Variants in SOX5 observed in about 807,000 individuals in gnomAD.
SOX5 encodes SRY-box transcription factor 5.
Under a neutral mutation model 92.0 loss-of-function variants are expected in SOX5, and 9 were observed. The observed-to-expected ratio is 0.10, with a 90% CI of 0.06 to 0.17. SOX5 has a LOEUF of 0.17. SOX5 is among the 10% of genes least tolerant of loss of function. SOX5 has a pLI of 1.00. For missense variants in SOX5, 642 were observed against 944.5 expected (o/e 0.68, Z 4.20); for synonymous variants, 344 against 336.3 (o/e 1.02, Z -0.25).
chr12:23,543,705 A>T (rs1942571481), intron 12 of SOX5, among the ~76,000 whole-genome samples: 1 of 152,232 alleles, frequency 6.6e-6, no homozygotes. Flanking sequence ...GGATAGTCAG[A>T]TTAAATCAAC....
intron 2 of SOX5, among the ~76,000 whole-genome samples, chr12:24,343,398 C>T (rs2177139): frequency 0.86 from 129,764 of 151,724 alleles, 55,820 homozygotes; most frequent in East Asian, 0.97. Context: ...CTTCAGTTCA[C>T]TTCAGGTAAG....
intron 4 of SOX5, among the ~76,000 whole-genome samples, chr12:24,143,882 G>GGAAAGGAGGAGGAGAAGGAGGAGGAGGAT (rs1950824304): frequency 6.7e-6 from 1 of 150,022 alleles, no homozygotes; most frequent in Non-Finnish European, 1.5e-5. Flanking sequence ...AGGAGGAGGA[G>GGAAAGGAGGAGGAGAAGGAGGAGGAGGAT]GAAAGGAGGA....
At chr12:23,716,825 A>T (rs2092533243) in intron 6 of SOX5, among the ~76,000 whole-genome samples, 1 of 152,220 alleles carries the variant, frequency 6.6e-6, no homozygotes, top group Non-Finnish European at 1.5e-5. Flanking sequence ...AAAAAATAGT[A>T]AAGTCTGCTG....
intron 3 of SOX5, among the ~76,000 whole-genome samples, chr12:24,232,677 G>A (rs1405032703): frequency 1.3e-5 from 2 of 152,092 alleles, no homozygotes; most frequent in Non-Finnish European, 2.9e-5. Context: ...TAGATATCTT[G>A]GCAAAGGAAA....
At chr12:24,413,570 T>C (rs1964491844) in intron 1 of SOX5, among the ~76,000 whole-genome samples, 1 of 152,228 alleles carries the variant, frequency 6.6e-6, no homozygotes, top group Non-Finnish European at 1.5e-5. Flanking sequence ...TGCTTTGAAA[T>C]GCAGTTATGC....
intron 6 of SOX5, among the ~76,000 whole-genome samples, chr12:23,726,699 AG>A (rs1235349064): frequency 6.6e-6 from 1 of 152,176 alleles, no homozygotes; most frequent in Non-Finnish European, 1.5e-5. Flanking sequence ...GTTTGTCCAC[AG>A]GTAATTTTGT....
chr12:23,858,217 C>T (rs1273649218), intron 2 of SOX5, among the ~76,000 whole-genome samples: 1 of 151,888 alleles, frequency 6.6e-6, no homozygotes, highest in Admixed American at 6.6e-5. Context: ...AACTTAAGAG[C>T]CTCTGCACAG....
chr12:24,442,633 T>A (rs1940819042), intron 1 of SOX5, among the ~76,000 whole-genome samples: 1 of 152,136 alleles, frequency 6.6e-6, no homozygotes, highest in South Asian at 2.1e-4. Context: ...AGGGAGCAAG[T>A]CATTGATTTA....
chr12:24,293,320 C>T (rs1946825595), intron 2 of SOX5, among the ~76,000 whole-genome samples: 1 of 152,350 alleles, frequency 6.6e-6, no homozygotes, highest in Admixed American at 6.5e-5. Flanking sequence ...TGGGCTTAAG[C>T]TTCACTCACT....
chr12:23,696,637 C>T (rs1177184858), intron 6 of SOX5, among the ~76,000 whole-genome samples: 1 of 151,826 alleles, frequency 6.6e-6, no homozygotes, highest in African/African-American at 2.4e-5. Flanking sequence ...TGGGTTTAAC[C>T]TTCTATGCTG....
intron 2 of SOX5, among the ~76,000 whole-genome samples, chr12:24,298,511 A>T (rs1947553133): frequency 2.0e-5 from 3 of 152,292 alleles, no homozygotes; most frequent in African/African-American, 7.2e-5. Context: ...ATTTTAATCA[A>T]TGGAGATGAG....
intron 2 of SOX5, among the ~76,000 whole-genome samples, chr12:24,318,170 T>C (rs947316446): frequency 2.0e-5 from 3 of 152,044 alleles, no homozygotes; most frequent in Non-Finnish European, 2.9e-5. Flanking sequence ...GATCATACCA[T>C]TGCACTCCAG....
chr12:24,404,179 T>C (rs983415472), intron 1 of SOX5, among the ~76,000 whole-genome samples: 1 of 152,216 alleles, frequency 6.6e-6, no homozygotes, highest in African/African-American at 2.4e-5. Flanking sequence ...AGTTTACCCT[T>C]TTCCTTTTGC....
At chr12:23,802,147 C>T (rs1003519280) in intron 3 of SOX5, among the ~76,000 whole-genome samples, 1 of 152,046 alleles carries the variant, frequency 6.6e-6, no homozygotes, top group Non-Finnish European at 1.5e-5. Context: ...GATCTCGGCT[C>T]ACTGCAAGCT....
At chr12:24,101,697 G>A (rs527847403) in intron 4 of SOX5, among the ~76,000 whole-genome samples, 2 of 152,254 alleles carry the variant, frequency 1.3e-5, no homozygotes, top group South Asian at 2.1e-4. Context: ...TTCCTCTGCA[G>A]ATTCACAAGG....
intron 3 of SOX5, among the ~76,000 whole-genome samples, chr12:23,784,483 C>T (rs1172766947): frequency 1.3e-5 from 2 of 152,036 alleles, no homozygotes; most frequent in South Asian, 2.1e-4. Context: ...CCCGCCACCA[C>T]GCCCGGCTAA....
intron 4 of SOX5, among the ~76,000 whole-genome samples, chr12:24,212,087 C>T (rs978710183): frequency 2.0e-5 from 3 of 152,150 alleles, no homozygotes; most frequent in Non-Finnish European, 2.9e-5. Flanking sequence ...CTTACTTTGG[C>T]GTATCATTTT....
At chr12:24,258,668 TA>T (rs1402341924) in intron 3 of SOX5, among the ~76,000 whole-genome samples, 1 of 152,202 alleles carries the variant, frequency 6.6e-6, no homozygotes, top group African/African-American at 2.4e-5. Context: ...TAAACTAAAG[TA>T]AAGTTGATCA....
Position 24,507,421 on chromosome 12 carries a change from G to C in SOX5, c.-251+54908C>G, listed in dbSNP as rs118158733. Among the ~76,000 whole-genome samples, 445 of 151,588 alleles carry C rather than the reference G, an allele frequency of 2.9e-3. 3 individuals are homozygous for C. Among genetic ancestry groups the C allele is most frequent in the Middle Eastern group, 0.024 (7 of 294 alleles). On this transcript the variant is annotated intron_variant, in intron 1 of 4. Coordinates refer to the SOX5 transcript ENST00000446891. ...AACAAGTTAAATGACACCACAAGGA[G>C]ACAAATACAGATTATGGAACACTCT...
Sources: gnomAD v4.1 joint callset for allele counts (sites outside exome capture counted in the v4.1 genomes callset) on GRCh38, gnomAD v4.1.1 for gene constraint, MANE v1.5 for transcripts, NCBI Gene and HGNC (gene_info 2026-07-23, HGNC 2026-07-21) for gene names.